Variants in EPHA6 observed in about 807,000 individuals in gnomAD.
The protein encoded by EPHA6 is ephrin type-A receptor 6.
Under a neutral mutation model 112.0 loss-of-function variants are expected in EPHA6, and 50 were observed. The ratio of observed to expected loss-of-function variants is 0.45; its 90% CI spans 0.36 to 0.56. The LOEUF is 0.56. Ranked by LOEUF, EPHA6 falls within the 20% of genes least tolerant of loss-of-function variation. The probability of loss-of-function intolerance (pLI) is 0.00; values close to 1 mark genes in which losing one functional copy is unlikely to be tolerated. For missense variants in EPHA6, 1,280 were observed against 1,417.4 expected (o/e 0.90, Z 1.56); for synonymous variants, 529 against 490.7 (o/e 1.08, Z -1.03).
intron 2 of EPHA6, among the ~76,000 whole-genome samples, chr3:96,978,219 C>T (rs1336376793): frequency 6.6e-6 from 1 of 152,080 alleles, no homozygotes; most frequent in African/African-American, 2.4e-5. Context: ...TTAAATGGAA[C>T]TGGACGATCA....
intron 11 of EPHA6, among the ~76,000 whole-genome samples, chr3:97,550,597 T>G (rs1445827924): frequency 6.6e-6 from 1 of 152,150 alleles, no homozygotes; most frequent in Non-Finnish European, 1.5e-5. Context: ...CTGATGCAAT[T>G]CTGCAAGAAT....
intron 10 of EPHA6, among the ~76,000 whole-genome samples, chr3:97,509,279 G>A (rs1196657147): frequency 6.6e-6 from 1 of 151,900 alleles, no homozygotes; most frequent in African/African-American, 2.4e-5. Flanking sequence ...TCTTCATAGT[G>A]TCAATGGTCT....
At chr3:97,242,505 A>T (rs1408903487) in intron 4 of EPHA6, among the ~76,000 whole-genome samples, 3 of 151,842 alleles carry the variant, frequency 2.0e-5, no homozygotes, top group African/African-American at 7.2e-5. Flanking sequence ...AATTGCAAAC[A>T]TTATGATTTG....
At chr3:97,156,597 A>G (rs1355790444) in intron 3 of EPHA6, among the ~76,000 whole-genome samples, 1 of 152,200 alleles carries the variant, frequency 6.6e-6, no homozygotes, top group Non-Finnish European at 1.5e-5. Flanking sequence ...AACTACATTT[A>G]TGCAGTTATG....
chr3:97,416,065 A>T (rs2088098355), intron 6 of EPHA6, among the ~76,000 whole-genome samples: 1 of 152,088 alleles, frequency 6.6e-6, no homozygotes, highest in Non-Finnish European at 1.5e-5. Context: ...GGCATATAAA[A>T]ATCTAAAACA....
chr3:97,479,252 A>C (rs2091461576), intron 8 of EPHA6, 42 bp from the exon 9 acceptor site: 2 of 1,375,544 alleles, frequency 1.5e-6, no homozygotes, highest in Non-Finnish European at 2.0e-6. Context: ...TGTATGCATC[A>C]TACTTCTTAA....
chr3:96,842,553 G>T (rs1361512165), intron 1 of EPHA6, among the ~76,000 whole-genome samples: 2 of 151,998 alleles, frequency 1.3e-5, no homozygotes, highest in Non-Finnish European at 2.9e-5. Context: ...AACAGGCTCA[G>T]ATTGAATTTA....
rs185188391 is a variant in EPHA6, at chr3:97,175,502, T to C, written c.1115-50762T>C. 3.9e-5 allele frequency among the ~76,000 whole-genome samples: 6 copies of C among 152,116 alleles called. No homozygotes were observed. In the East Asian group the frequency reaches 1.2e-3, roughly 29 times the overall value. On this transcript the variant is annotated intron_variant, in intron 3 of 17. Coordinates refer to ENST00000389672, the MANE Select transcript of EPHA6 (RefSeq NM_001080448.3). ...TTGTGTAGTATGGACATTTTAACAA[T>C]ATTGATTCTTCTAACCCATGAACAT...
chr3:97,361,937 C>T (rs551701261), intron 5 of EPHA6, among the ~76,000 whole-genome samples: 1 of 152,046 alleles, frequency 6.6e-6, no homozygotes, highest in East Asian at 1.9e-4. Context: ...AGGCAGTGGA[C>T]CTAAAGGAAA....
At chr3:97,270,481 T>C (rs1316394740) in intron 5 of EPHA6, among the ~76,000 whole-genome samples, 3 of 152,224 alleles carry the variant, frequency 2.0e-5, no homozygotes, top group Admixed American at 6.5e-5. Context: ...ATAGGGTATG[T>C]TATTGCATTT....
At chr3:97,060,780 C>T (rs1454139885) in intron 3 of EPHA6, among the ~76,000 whole-genome samples, 1 of 151,356 alleles carries the variant, frequency 6.6e-6, no homozygotes, top group African/African-American at 2.4e-5. Flanking sequence ...AATAATTAGC[C>T]GGGCGTAGTG....
At chr3:96,824,957 A>G (rs2033549011) in intron 1 of EPHA6, among the ~76,000 whole-genome samples, 1 of 151,988 alleles carries the variant, frequency 6.6e-6, no homozygotes, top group Non-Finnish European at 1.5e-5. Context: ...ATACAATATA[A>G]GATGGATAAA....
chr3:97,355,573 A>T (rs776285620), intron 5 of EPHA6, among the ~76,000 whole-genome samples: 1 of 152,210 alleles, frequency 6.6e-6, no homozygotes, highest in Non-Finnish European at 1.5e-5. Flanking sequence ...CTGCTAGAGA[A>T]AATCACCTTC....
chr3:96,984,992 G>A (rs190539851), intron 2 of EPHA6, among the ~76,000 whole-genome samples: 327 of 152,268 alleles, frequency 2.1e-3, no homozygotes, highest in Non-Finnish European at 3.4e-3. Flanking sequence ...GACCCCTTGC[G>A]CTTCCTGGGT....
At chr3:96,889,640 A>G (rs2037838730) in intron 2 of EPHA6, among the ~76,000 whole-genome samples, 1 of 152,212 alleles carries the variant, frequency 6.6e-6, no homozygotes, top group African/African-American at 2.4e-5. Flanking sequence ...TGTGAGTACA[A>G]TTCAAGATGA....
At chr3:97,223,652 A>C (rs1174903688) in intron 3 of EPHA6, among the ~76,000 whole-genome samples, 2 of 152,214 alleles carry the variant, frequency 1.3e-5, no homozygotes, top group African/African-American at 4.8e-5. Context: ...GAAGGCTCTA[A>C]GTCCAGTCAT....
In EPHA6 at chr3:97,250,377, C is replaced by A. The variant is rs140007543; in HGVS notation, c.1606+6090C>A. On this transcript the variant is annotated intron_variant, in intron 5 of 17. Transcript: ENST00000389672. ...ATTTTGAGCAGTTGGCTTTTAGAGTCGTCAGCTGTGTTCTCTGAGGAATTC... is the reference window on the plus strand; with the variant it reads ...ATTTTGAGCAGTTGGCTTTTAGAGTAGTCAGCTGTGTTCTCTGAGGAATTC... 9.0e-4 allele frequency among the ~76,000 whole-genome samples: 137 copies of A among 152,222 alleles called. 2 individuals carry two copies. The highest frequency in any genetic ancestry group is 2.9e-3 in the African/African-American group (122 of 41,556).
intron 5 of EPHA6, among the ~76,000 whole-genome samples, chr3:97,350,994 C>T (rs576667085): frequency 1.3e-4 from 20 of 152,244 alleles, no homozygotes; most frequent in Admixed American, 3.3e-4. Context: ...ATCTCCTGCT[C>T]AGCCTATTTG....
At chr3:97,244,510 C>G in intron 5 of EPHA6, 1 of 551,818 alleles carries the variant, frequency 1.8e-6, no homozygotes. Context: ...CTTCCCTCCA[C>G]TGTTTATGTA....
Sources: allele counts gnomAD v4.1 joint callset (sites outside exome capture counted in the v4.1 genomes callset), GRCh38; gene constraint gnomAD v4.1.1; transcripts MANE v1.5; gene names NCBI Gene and HGNC (gene_info 2026-07-23, HGNC 2026-07-21).